Variants in DNAAF2 observed in about 807,000 individuals in gnomAD.
DNAAF2 encodes the protein dynein axonemal assembly factor 2, also known as protein kintoun.
Under a neutral mutation model 48.8 loss-of-function variants are expected in DNAAF2, and 58 were observed. That is an observed-to-expected ratio of 1.19 (90% CI 0.96 to 1.48). The LOEUF is 1.48. Among genes scored for constraint, DNAAF2 ranks in the 40% most tolerant of loss-of-function variants. DNAAF2 has a pLI of 0.00. For missense variants in DNAAF2, 1,241 were observed against 1,116.1 expected (o/e 1.11, Z -1.59); for synonymous variants, 567 against 481.2 (o/e 1.18, Z -2.33).
chr14:49,628,320 T>G (rs1230555018), intron 1 of DNAAF2, among the ~76,000 whole-genome samples, 165 bp from the exon 2 acceptor site: 1 of 152,222 alleles, frequency 6.6e-6, no homozygotes, highest in Non-Finnish European at 1.5e-5. Flanking sequence ...TTAAGTTTGG[T>G]ATTGTACAGA....
chr14:49,625,326 T>G lies in DNAAF2; in HGVS notation c.*216A>C. 3.1e-6 allele frequency: 1 copy of G among 324,530 alleles called. No individual in the cohort carries two copies. Among genetic ancestry groups the G allele is most frequent in the East Asian group, 5.1e-5 (1 of 19,584 alleles). The allele number at this position is 324,530 out of a possible 1,614,324, so 20.1% of individuals were successfully genotyped here. On this transcript the variant is annotated 3_prime_UTR_variant, in exon 3 of 3. Transcript: ENST00000298292. The stretch of plus-strand genomic sequence containing the variant: ...ACATCTATTACAGGAATCACAAAAC[T>G]TATCTCCATAAGGAAACTTTAAACT...
In DNAAF2 at chr14:49,634,681, G is replaced by T; in HGVS notation, c.469C>A (p.His157Asn). 1 of 1,606,392 alleles carries T rather than the reference G, an allele frequency of 6.2e-7. No homozygotes were observed. The highest frequency in any genetic ancestry group is 8.5e-7 in the Non-Finnish European group (1 of 1,179,700). ...HPDALALARRHEGFRQMLDAT... is the reference protein window; with the variant it reads ...HPDALALARRNEGFRQMLDAT... ...TCCAGCATCTGGCGGAAGCCCTCGT[G>T]CCGCCGGGCCAGCGCAAGCGCGTCT... The change falls in exon 1 of 3, where the codon CAC becomes AAC. Residue 157 changes from histidine (H) to asparagine (N), a missense_variant. By Grantham distance (68) the His-to-Asn change is moderately conservative. Transcript: ENST00000298292.
chr14:49,634,010 G>A lies in DNAAF2; in HGVS notation c.1140C>T (p.Cys380=). ...CCGCCTCCCCCTCGCGAGCGGAAGC[G>A]CAGGCCTGGCCGTCAGTTCCGGACC... is the stretch of plus-strand genomic sequence containing the variant. The part of the protein sequence containing the change: ...ADRSGTDGQA[C]ASAREGEAGP... Residue 380 remains cysteine (C), a synonymous_variant, in exon 1 of 3, where the codon TGC becomes TGT. Transcript: ENST00000298292. 6.6e-7 allele frequency: 1 copy of A among 1,522,812 alleles called. No homozygotes were observed. The highest frequency in any genetic ancestry group is 1.2e-5 in the South Asian group (1 of 81,908). The allele number at this position is 1,522,812 out of a possible 1,614,324, so 94.3% of individuals were successfully genotyped here.
intron 1 of DNAAF2, among the ~76,000 whole-genome samples, chr14:49,631,175 AAC>A (rs1883153180): frequency 6.6e-6 from 1 of 152,234 alleles, no homozygotes; most frequent in African/African-American, 2.4e-5. Context: ...GATCCAGAAT[AAC>A]ACAGTGTTAC....
intron 1 of DNAAF2, among the ~76,000 whole-genome samples, chr14:49,632,559 C>T (rs1443011320): frequency 6.6e-6 from 1 of 151,786 alleles, no homozygotes; most frequent in East Asian, 1.9e-4. Context: ...GATTCTCCTG[C>T]CTCAGCCTCC....
At chr14:49,626,078 T>C in intron 2 of DNAAF2, 30 bp from the exon 3 acceptor site, 1 of 1,376,576 alleles carries the variant, frequency 7.3e-7, no homozygotes, top group Non-Finnish European at 9.4e-7. Context: ...AAATTAATAA[T>C]TATTTTAAAT....
chr14:49,633,307 C>T lies in DNAAF2; in HGVS notation c.1843G>A (p.Val615Ile), dbSNP rs1449373224. Residue 615 changes from valine to isoleucine, a missense_variant, in exon 1 of 3, where the codon GTA (valine) becomes ATA (isoleucine). Physicochemically the swap from Val to Ile is conservative, Grantham distance 29. Coordinates refer to ENST00000298292, the MANE Select transcript of DNAAF2 (RefSeq NM_018139.3). ...HGHWREWYYGVNNDSLEERLF... is the reference protein window; with the variant it reads ...HGHWREWYYGINNDSLEERLF... ...GTTACCTCCAAAGAATCGTTGTTTA[C>T]ACCATAATACCACTCTCTCCAATGT... The T allele has an allele frequency of 1.2e-6, 2 of 1,613,776 alleles. No individual in the cohort carries two copies. The highest frequency in any genetic ancestry group is 1.7e-6 in the Non-Finnish European group (2 of 1,179,696).
intron 2 of DNAAF2, 120 bp downstream of exon 2, chr14:49,627,892 T>A: frequency 9.9e-7 from 1 of 1,014,414 alleles, no homozygotes; most frequent in Non-Finnish European, 1.4e-6. Flanking sequence ...TCTCTTAACA[T>A]CACTCTGCCC....
At position 49,634,972 on chromosome 14, in the gene DNAAF2, C is replaced by A. The variant is rs1180545101; in HGVS notation, c.178G>T (p.Glu60Ter). Reference sequence around the variant, plus strand: ...CGCACTTCCACCCCGCGCTCACGCTCTAGCGCGGTGATCTCCGCCTCGTAG... The same window carrying A: ...CGCACTTCCACCCCGCGCTCACGCTATAGCGCGGTGATCTCCGCCTCGTAG... The part of the protein sequence containing the change: ...RRYEAEITAL[E>*]RERGVEVRFV... Residue 60 changes from glutamate (E) to a stop codon, truncating the protein, a stop_gained, in exon 1 of 3, where the codon GAG becomes TAG. Coordinates refer to ENST00000298292, the MANE Select transcript of DNAAF2 (RefSeq NM_018139.3). LOFTEE classifies it high-confidence loss of function. 2 of 1,561,776 alleles carry A rather than the reference C, an allele frequency of 1.3e-6. No homozygotes were observed. Among genetic ancestry groups the A allele is most frequent in the Non-Finnish European group, 1.7e-6 (2 of 1,153,132 alleles).
intron 1 of DNAAF2, among the ~76,000 whole-genome samples, chr14:49,632,923 T>C (rs1883201304): frequency 2.0e-5 from 3 of 152,058 alleles, no homozygotes; most frequent in African/African-American, 7.2e-5. Flanking sequence ...TTGTTTTTTT[T>C]TTTGTTTTTT....
intron 2 of DNAAF2, among the ~76,000 whole-genome samples, chr14:49,627,516 G>A (rs1248772805): frequency 6.6e-6 from 1 of 152,128 alleles, no homozygotes; most frequent in Non-Finnish European, 1.5e-5. Flanking sequence ...TAAATAATGT[G>A]AAAATGAATA....
Position 49,634,882 on chromosome 14 carries a change from C to G in DNAAF2, c.268G>C (p.Val90Leu), listed in dbSNP as rs1164745713. 1 of 1,549,430 alleles carries G rather than the reference C, an allele frequency of 6.5e-7. No individual in the cohort carries two copies. Among genetic ancestry groups the G allele is most frequent in the Non-Finnish European group, 8.7e-7 (1 of 1,146,436 alleles). The change falls in exon 1 of 3, where the codon GTG (valine) becomes CTG (leucine). Residue 90 changes from valine to leucine, a missense_variant. Physicochemically the swap from Val to Leu is conservative, Grantham distance 32. Transcript: ENST00000298292. ...ACCAACGCGTTGCTGCAGACATTCA[C>G]AAAGCAGCGCCGCGCCCCGTCCAGG... ...TSLDGARRCF[V>L]NVCSNALVGA...
At chr14:49,628,228 A>G in intron 1 of DNAAF2, 73 bp from the exon 2 acceptor site, 1 of 1,251,420 alleles carries the variant, frequency 8.0e-7, no homozygotes, top group South Asian at 1.4e-5. Context: ...AAAGCAGCTC[A>G]CAAAAATTCT....
chr14:49,632,072 A>G (rs1278345928), intron 1 of DNAAF2, among the ~76,000 whole-genome samples: 1 of 152,258 alleles, frequency 6.6e-6, no homozygotes, highest in Non-Finnish European at 1.5e-5. Context: ...CTAAAATGTT[A>G]GCATACTTGA....
rs867211936 is a variant in DNAAF2 at position 49,630,702 on chromosome 14, T to C, written c.1864-2547A>G. Among the ~76,000 whole-genome samples, 222 of 49,872 alleles carry C rather than the reference T, an allele frequency of 4.5e-3. 3 individuals are homozygous for C. Among genetic ancestry groups the C allele is most frequent in the Admixed American group, 6.6e-3 (31 of 4,722 alleles). The allele number at this position is 49,872 out of a possible 152,430, so 32.7% of individuals were successfully genotyped here. On this transcript the variant is annotated intron_variant, in intron 1 of 2. Coordinates refer to ENST00000298292, the MANE Select transcript of DNAAF2 (RefSeq NM_018139.3). ...ACACACACACACACACACACACACA[T>C]AAACTCTCTACACACACACACACAC... is the stretch of plus-strand genomic sequence containing the variant.
rs1488459981 is a variant in DNAAF2 at position 49,625,557 on chromosome 14, T to G, written c.2499A>C (p.Leu833=). ...TTATATAGAATTAATCCAAATCATA[T>G]AGCAAAGAATTCTGAAAACTGAATG... ...NCAFSFQNSL[L]YDLD is the part of the protein sequence containing the mutation. The change falls in exon 3 of 3, where the codon CTA becomes CTC. Residue 833 remains leucine (L), a synonymous_variant. Coordinates refer to ENST00000298292, the MANE Select transcript of DNAAF2 (RefSeq NM_018139.3). The G allele has an allele frequency of 1.3e-6, 2 of 1,592,818 alleles. No homozygotes were observed. Among genetic ancestry groups the G allele is most frequent in the Non-Finnish European group, 1.7e-6 (2 of 1,170,642 alleles).
rs758230960 is a variant in DNAAF2 at position 49,634,396 on chromosome 14, C to T, written c.754G>A (p.Glu252Lys). ...CGCTGCACCACGCTGTAGCGAGGCTCGGTGGGGGCGGGCTGCAAGGCCGCT... is the reference window on the plus strand; with the variant it reads ...CGCTGCACCACGCTGTAGCGAGGCTTGGTGGGGGCGGGCTGCAAGGCCGCT... ...PEAALQPAPT[E>K]PRYSVVQRHH... The change falls in exon 1 of 3, where the codon GAG (glutamate) becomes AAG (lysine). Residue 252 changes from glutamate (E) to lysine (K), a missense_variant. Transcript: ENST00000298292. 4.4e-6 allele frequency: 7 copies of T among 1,585,846 alleles called. No individual in the cohort carries two copies. Among genetic ancestry groups the T allele is most frequent in the South Asian group, 3.3e-5 (3 of 89,764 alleles).
In DNAAF2 at chr14:49,625,552, T is replaced by C; in HGVS notation, c.2504A>G (p.Asp835Gly). Residue 835 changes from aspartate to glycine, a missense_variant, in exon 3 of 3, where the codon GAT (aspartate) becomes GGT (glycine). By Grantham distance (94) the Asp-to-Gly change is moderately conservative. Coordinates refer to ENST00000298292, the MANE Select transcript of DNAAF2 (RefSeq NM_018139.3). ...AFSFQNSLLY[D>G]LD is the part of the protein sequence containing the mutation. ...CAAAATTATATAGAATTAATCCAAA[T>C]CATATAGCAAAGAATTCTGAAAACT... The C allele has an allele frequency of 1.3e-6, 2 of 1,587,858 alleles. No homozygotes were observed. Among genetic ancestry groups the C allele is most frequent in the Non-Finnish European group, 1.7e-6 (2 of 1,168,362 alleles).
In DNAAF2 at chr14:49,625,413, TTTAAAAAAAATTGCA is replaced by T; in HGVS notation, c.*114_*128del. 1.4e-6 allele frequency: 1 copy of T among 723,440 alleles called. No homozygotes were observed. The highest frequency in any genetic ancestry group is 1.9e-6 in the Non-Finnish European group (1 of 518,982). 44.8% of individuals were successfully genotyped at this position (723,440 alleles called of 1,614,324 possible). ...CCCATGAGAATCAAAATTGCAATTT[TTTAAAAAAAATTGCA>T]AATTTTAATTTTATACTTTAATACC... On this transcript the variant is annotated 3_prime_UTR_variant, in exon 3 of 3. Coordinates refer to ENST00000298292, the MANE Select transcript of DNAAF2 (RefSeq NM_018139.3).
Sources: gnomAD v4.1 joint callset for allele counts (sites outside exome capture counted in the v4.1 genomes callset) on GRCh38, gnomAD v4.1.1 for gene constraint, MANE v1.5 for transcripts, NCBI Gene and HGNC (gene_info 2026-07-23, HGNC 2026-07-21) for gene names.